Variants in KCNG2 observed in about 807,000 individuals in gnomAD.
KCNG2 encodes the protein potassium voltage-gated channel modifier subfamily G member 2, also known as voltage-gated potassium channel regulatory subunit KCNG2.
A neutral mutation model predicts 12.3 loss-of-function variants in KCNG2; 7 were observed. The ratio of observed to expected loss-of-function variants is 0.57; its 90% CI spans 0.32 to 1.07. The LOEUF is 1.07. KCNG2 is among the 50% of genes least tolerant of loss of function. KCNG2 has a pLI of 0.04. For synonymous variants in KCNG2, 414 were observed against 351.4 expected, an observed-to-expected ratio of 1.18 and a Z score of -1.99; for missense variants, 703 against 726.0, an observed-to-expected ratio of 0.97 and a Z score of 0.36.
chr18:79,895,801 C>T (rs1332871994), intron 3 of KCNG2, among the ~76,000 whole-genome samples: 5 of 152,106 alleles, frequency 3.3e-5, no homozygotes, highest in Admixed American at 6.5e-5. Context: ...ACTCCATTCA[C>T]ATCTACTGTT....
chr18:79,899,176 T>C lies in KCNG2; in HGVS notation c.761T>C (p.Ile254Thr). 1 of 1,605,778 alleles carries C rather than the reference T, an allele frequency of 6.2e-7. No homozygotes were observed. Among genetic ancestry groups the C allele is most frequent in the East Asian group, 2.2e-5 (1 of 44,810 alleles). The stretch of plus-strand genomic sequence containing the variant: ...TTCCTGCGCGCGCCACTCAACATCA[T>C]TGACATCCTGGCGCTCCTGCCGTTC... ...CAFLRAPLNI[I>T]DILALLPFYV... The change falls in exon 4 of 4, where the codon ATT becomes ACT. Residue 254 changes from isoleucine (I) to threonine (T), a missense_variant. Ile to Thr is a moderately conservative substitution (Grantham distance 89, BLOSUM62 -1). Transcript: ENST00000316249.
At chr18:79,876,561 C>T (rs115095593) in intron 3 of KCNG2, among the ~76,000 whole-genome samples, 175 of 152,350 alleles carry the variant, frequency 1.1e-3, no homozygotes, top group Non-Finnish European at 1.6e-3. Context: ...GATTCTGTCC[C>T]GGGAAGGATG....
intron 3 of KCNG2, among the ~76,000 whole-genome samples, chr18:79,878,517 G>A (rs183764553): frequency 1.2e-4 from 18 of 152,082 alleles, no homozygotes; most frequent in African/African-American, 4.1e-4. Context: ...TGCGGAGGGC[G>A]CCTGATGCCC....
At chr18:79,873,537 C>T (rs1284972065) in intron 3 of KCNG2, among the ~76,000 whole-genome samples, 2 of 151,386 alleles carry the variant, frequency 1.3e-5, no homozygotes, top group East Asian at 2.0e-4. Flanking sequence ...TGAGGGGCGT[C>T]GGGGAGCCGG....
chr18:79,861,379 G>A (rs1979216740), intron 2 of KCNG2, among the ~76,000 whole-genome samples: 1 of 149,288 alleles, frequency 6.7e-6, no homozygotes, highest in Admixed American at 6.8e-5. Context: ...CCAGGTTCAG[G>A]CAATTCTCCC....
chr18:79,874,521 C>T (rs1227092889), intron 3 of KCNG2, among the ~76,000 whole-genome samples: 3 of 152,208 alleles, frequency 2.0e-5, no homozygotes, highest in East Asian at 3.8e-4. Context: ...GAAATGTGTA[C>T]GAAGATGTGA....
At chr18:79,881,414 C>A (rs1468619383) in intron 3 of KCNG2, among the ~76,000 whole-genome samples, 1 of 152,126 alleles carries the variant, frequency 6.6e-6, no homozygotes, top group East Asian at 1.9e-4. Flanking sequence ...TGTAGAAATT[C>A]CCAGGAAACC....
chr18:79,863,130 C>T lies in KCNG2; in HGVS notation c.-40-498C>T, dbSNP rs145809691. On this transcript the variant is annotated intron_variant, in intron 2 of 3. Transcript: ENST00000316249. ...TTTGGAGCTCCTTATTCTGCAGTTT[C>T]TCCGCCTCACAGAATGCTGAGTAGG... Among the ~76,000 whole-genome samples, 6 of 152,364 alleles carry T rather than the reference C, an allele frequency of 3.9e-5. No homozygotes were observed. The East Asian group carries it at 1.2e-3, about 29-fold the overall frequency.
chr18:79,799,148 G>T (rs1248975769), intron 1 of KCNG2, among the ~76,000 whole-genome samples: 1 of 152,224 alleles, frequency 6.6e-6, no homozygotes, highest in Non-Finnish European at 1.5e-5. Flanking sequence ...GTAAATAATG[G>T]ATTTTGACCC....
chr18:79,866,736 A>T (rs71279366), intron 3 of KCNG2, among the ~76,000 whole-genome samples: 3,802 of 42,652 alleles, frequency 0.089, 71 homozygotes, highest in Non-Finnish European at 0.13. Flanking sequence ...AGGTCTGGGT[A>T]CTGTGGTCTG....
At chr18:79,869,385 C>A (rs547855102) in intron 3 of KCNG2, among the ~76,000 whole-genome samples, 1 of 152,328 alleles carries the variant, frequency 6.6e-6, no homozygotes, top group African/African-American at 2.4e-5. Flanking sequence ...GCGTCCCCAG[C>A]AGTGCTCAGG....
chr18:79,898,488 C>A (rs1475959740), intron 3 of KCNG2, among the ~76,000 whole-genome samples: 1 of 152,190 alleles, frequency 6.6e-6, no homozygotes, highest in Non-Finnish European at 1.5e-5. Flanking sequence ...AGGACGTAGC[C>A]CCAGGAGCTG....
chr18:79,871,733 C>T (rs1361263432), intron 3 of KCNG2, among the ~76,000 whole-genome samples: 2 of 152,206 alleles, frequency 1.3e-5, no homozygotes, highest in African/African-American at 2.4e-5. Flanking sequence ...CCTCTGCGTC[C>T]GTCTGCGTCC....
intron 1 of KCNG2, among the ~76,000 whole-genome samples, chr18:79,832,523 CCTT>C (rs1164366933): frequency 2.6e-5 from 4 of 152,194 alleles, no homozygotes; most frequent in Non-Finnish European, 5.9e-5. Context: ...TCCTTTTCAA[CCTT>C]CTCTTCTACT....
intron 1 of KCNG2, among the ~76,000 whole-genome samples, chr18:79,836,018 C>G (rs189062889): frequency 2.0e-5 from 3 of 152,128 alleles, no homozygotes; most frequent in African/African-American, 7.2e-5. Flanking sequence ...AAAGTCCTAA[C>G]ATACAAATAA....
At chr18:79,873,240 G>A (rs1979922921) in intron 3 of KCNG2, among the ~76,000 whole-genome samples, 2 of 152,354 alleles carry the variant, frequency 1.3e-5, no homozygotes, top group African/African-American at 4.8e-5. Flanking sequence ...CCTCCTGTCC[G>A]TATCACTTGG....
intron 1 of KCNG2, among the ~76,000 whole-genome samples, chr18:79,829,528 C>T (rs1227222928): frequency 3.3e-5 from 5 of 152,124 alleles, no homozygotes; most frequent in African/African-American, 1.2e-4. Context: ...TCTCTGCCTC[C>T]CTACGGCCGG....
rs34251835 is a variant in KCNG2, at chr18:79,821,286, ATTTTTTTT to A, written c.-115+23287_-115+23294del. On this transcript the variant is annotated intron_variant, in intron 1 of 3. Coordinates refer to ENST00000316249, the MANE Select transcript of KCNG2 (RefSeq NM_012283.2). ...TGGCCGTCAACCCATTTTTACTTGA[ATTTTTTTT>A]TTTTTTTTTTTTTTGACAGAGCCTG... is the stretch of plus-strand genomic sequence containing the variant. Among the ~76,000 whole-genome samples, 5 of 101,822 alleles carry A rather than the reference ATTTTTTTT, an allele frequency of 4.9e-5. No individual in the cohort carries two copies. In the South Asian group the frequency reaches 9.9e-4, roughly 20 times the overall value. 66.8% of individuals were successfully genotyped at this position (101,822 alleles called of 152,430 possible).
At chr18:79,817,388 C>G (rs964444402) in intron 1 of KCNG2, among the ~76,000 whole-genome samples, 2 of 152,220 alleles carry the variant, frequency 1.3e-5, no homozygotes, top group Admixed American at 6.5e-5. Context: ...CTGGCTGTCA[C>G]ACATGGTTGT....
Sources: gnomAD v4.1 joint callset for allele counts (sites outside exome capture counted in the v4.1 genomes callset) on GRCh38, gnomAD v4.1.1 for gene constraint, MANE v1.5 for transcripts, NCBI Gene and HGNC (gene_info 2026-07-23, HGNC 2026-07-21) for gene names.